Variants in ASIC2 observed in about 807,000 individuals in gnomAD.
ASIC2 encodes acid sensing ion channel subunit 2.
ASIC2 carries 25 observed loss-of-function variants against 57.3 expected under a neutral mutation model. That is an observed-to-expected ratio of 0.44 (90% confidence interval 0.32 to 0.61). The LOEUF (loss-of-function observed/expected upper bound fraction) is 0.61. Ranked by LOEUF, ASIC2 falls within the 20% of genes least tolerant of loss-of-function variation. The probability of loss-of-function intolerance (pLI) is 0.06; values close to 1 mark genes in which losing one functional copy is unlikely to be tolerated. For synonymous variants in ASIC2, 319 were observed against 307.5 expected (o/e 1.04, Z -0.39); for missense variants, 641 against 738.1 (o/e 0.87, Z 1.52).
At chr17:33,993,462 T>C (rs1016294449) in intron 1 of ASIC2, among the ~76,000 whole-genome samples, 1 of 152,218 alleles carries the variant, frequency 6.6e-6, no homozygotes, top group Non-Finnish European at 1.5e-5. Flanking sequence ...CTGTTATTTT[T>C]CTCTCTTTAA....
chr17:33,055,819 C>A (rs968312571), intron 3 of ASIC2, among the ~76,000 whole-genome samples: 1 of 152,166 alleles, frequency 6.6e-6, no homozygotes, highest in Non-Finnish European at 1.5e-5. Context: ...CATGTTCTCT[C>A]GGTCTTGTCT....
chr17:33,368,949 G>A (rs1385030457), intron 1 of ASIC2, among the ~76,000 whole-genome samples: 1 of 152,134 alleles, frequency 6.6e-6, no homozygotes, highest in Non-Finnish European at 1.5e-5. Context: ...TTCTCAGGTG[G>A]CATTTACTCA....
chr17:33,321,418 C>T (rs537614036), intron 1 of ASIC2, among the ~76,000 whole-genome samples: 19 of 152,250 alleles, frequency 1.2e-4, no homozygotes, highest in African/African-American at 4.3e-4. Context: ...CCCAGGAATG[C>T]ACAGCATTTT....
chr17:33,489,259 A>C (rs1265512429), intron 1 of ASIC2, among the ~76,000 whole-genome samples: 1 of 152,162 alleles, frequency 6.6e-6, no homozygotes, highest in Non-Finnish European at 1.5e-5. Context: ...CTGTGCTGAG[A>C]GTTTTACACA....
chr17:33,481,087 C>G (rs1379969808), intron 1 of ASIC2, among the ~76,000 whole-genome samples: 3 of 152,182 alleles, frequency 2.0e-5, no homozygotes, highest in Non-Finnish European at 4.4e-5. Flanking sequence ...TCTCTTGTGC[C>G]TGTCCTGCAA....
intron 1 of ASIC2, among the ~76,000 whole-genome samples, chr17:33,726,219 G>A (rs1484598004): frequency 6.6e-6 from 1 of 152,138 alleles, no homozygotes; most frequent in East Asian, 1.9e-4. Flanking sequence ...GAGAGGAAGA[G>A]AAAGAGATAG....
rs912296911 is a variant in ASIC2 at position 33,129,013 on chromosome 17, C to T, written c.709-16946G>A. On this transcript the variant is annotated intron_variant, in intron 1 of 9. Transcript: ENST00000225823. Reference sequence around the variant, plus strand: ...GACACAGCTTAGCTTAGCATAGGCACTCAGTAGAAATTTGTTGAATGATTG... The same window carrying T: ...GACACAGCTTAGCTTAGCATAGGCATTCAGTAGAAATTTGTTGAATGATTG... 5.3e-5 allele frequency among the ~76,000 whole-genome samples: 8 copies of T among 152,138 alleles called. 1 individual carries two copies. Among genetic ancestry groups the T allele is most frequent in the Admixed American group, 5.2e-4 (8 of 15,276 alleles).
intron 3 of ASIC2, among the ~76,000 whole-genome samples, chr17:33,045,677 G>C (rs2091951482): frequency 6.6e-6 from 1 of 152,186 alleles, no homozygotes; most frequent in Non-Finnish European, 1.5e-5. Context: ...GTGCTGTTGG[G>C]ATCCTCAAGA....
chr17:33,427,976 T>A (rs913297371), intron 1 of ASIC2, among the ~76,000 whole-genome samples: 1 of 152,176 alleles, frequency 6.6e-6, no homozygotes, highest in African/African-American at 2.4e-5. Flanking sequence ...GGATGCTCAA[T>A]CAACCTTGTG....
intron 1 of ASIC2, among the ~76,000 whole-genome samples, chr17:33,897,408 C>A (rs1170001820): frequency 1.3e-5 from 2 of 152,204 alleles, no homozygotes; most frequent in Admixed American, 6.5e-5. Context: ...TGTTCAAGGA[C>A]AAAGACCATC....
chr17:33,446,547 C>T (rs1029544829), intron 1 of ASIC2, among the ~76,000 whole-genome samples: 12 of 152,068 alleles, frequency 7.9e-5, no homozygotes, highest in South Asian at 2.1e-4. Context: ...CTTCTCAGTG[C>T]GATAGGTTTC....
At chr17:33,068,616 C>A (rs1598261698) in intron 3 of ASIC2, among the ~76,000 whole-genome samples, 8 of 152,204 alleles carry the variant, frequency 5.3e-5, no homozygotes, top group Admixed American at 4.6e-4. Context: ...CAGTGCCAAG[C>A]CCTAAATTGG....
At chr17:33,684,958 T>TA (rs1908134437) in intron 1 of ASIC2, among the ~76,000 whole-genome samples, 1 of 152,114 alleles carries the variant, frequency 6.6e-6, no homozygotes, top group Non-Finnish European at 1.5e-5. Context: ...ATGAGACAGA[T>TA]GTAAGTGGAG....
chr17:33,072,711 C>T (rs1358036545), intron 3 of ASIC2, among the ~76,000 whole-genome samples: 2 of 152,186 alleles, frequency 1.3e-5, no homozygotes, highest in South Asian at 4.1e-4. Flanking sequence ...GCTACCTAGA[C>T]AGCAAATGGG....
intron 3 of ASIC2, among the ~76,000 whole-genome samples, chr17:33,079,802 G>T (rs1418956561): frequency 6.6e-6 from 1 of 152,118 alleles, no homozygotes; most frequent in Non-Finnish European, 1.5e-5. Context: ...TAGTTTTCCG[G>T]TCCCCCTGTG....
chr17:34,074,529 C>T (rs555526839), intron 1 of ASIC2, among the ~76,000 whole-genome samples: 29 of 152,194 alleles, frequency 1.9e-4, no homozygotes, highest in Admixed American at 9.2e-4. Flanking sequence ...GATTTATTTT[C>T]TTAATAACAT....
At chr17:33,323,192 C>T (rs960307989) in intron 1 of ASIC2, among the ~76,000 whole-genome samples, 22 of 152,220 alleles carry the variant, frequency 1.4e-4, no homozygotes, top group Middle Eastern at 3.4e-3. Flanking sequence ...ATATATTCAA[C>T]GGAAGTGGAT....
intron 1 of ASIC2, among the ~76,000 whole-genome samples, chr17:33,379,373 A>G (rs1487569239): frequency 6.6e-6 from 1 of 152,202 alleles, no homozygotes; most frequent in African/African-American, 2.4e-5. Flanking sequence ...ACTGGGGCAC[A>G]CTCATAAGTT....
chr17:33,280,154 G>A (rs1904881871), intron 1 of ASIC2, among the ~76,000 whole-genome samples: 3 of 152,238 alleles, frequency 2.0e-5, no homozygotes, highest in Non-Finnish European at 4.4e-5. Context: ...GAGCGTAGGA[G>A]ACATTGCTCT....
Sources: gnomAD v4.1 joint callset for allele counts (sites outside exome capture counted in the v4.1 genomes callset) on GRCh38, gnomAD v4.1.1 for gene constraint, MANE v1.5 for transcripts, NCBI Gene and HGNC (gene_info 2026-07-23, HGNC 2026-07-21) for gene names.